WDFY3: variants seen among roughly 807,000 people sequenced by gnomAD.
The protein encoded by WDFY3 is WD repeat and FYVE domain containing 3, also known as WD repeat and FYVE domain-containing protein 3.
A neutral mutation model predicts 409.6 loss-of-function variants in WDFY3; 66 were observed. The ratio of observed to expected loss-of-function variants is 0.16; its 90% confidence interval spans 0.13 to 0.20. The LOEUF (loss-of-function observed/expected upper bound fraction) is 0.20, where lower values mean the gene tolerates loss of function less well. WDFY3 is among the 10% of genes least tolerant of loss of function. The probability of loss-of-function intolerance (pLI) is 1.00; values close to 1 mark genes in which losing one functional copy is unlikely to be tolerated. For synonymous variants in WDFY3, 1,521 were observed against 1,537.1 expected (o/e 0.99, Z 0.25); for missense variants, 3,031 against 4,298.1 (o/e 0.71, Z 8.24).
intron 5 of WDFY3, 184 bp downstream of exon 5, chr4:84,849,718 T>C: frequency 2.9e-6 from 2 of 696,868 alleles, no homozygotes; most frequent in South Asian, 4.2e-5. Flanking sequence ...TGAGCAGAAC[T>C]ACTGGAGAGT....
At chr4:84,817,898 A>C (rs1371206311) in intron 12 of WDFY3, among the ~76,000 whole-genome samples, 2 of 152,140 alleles carry the variant, frequency 1.3e-5, no homozygotes, top group Non-Finnish European at 2.9e-5. Context: ...CTCTATTGTA[A>C]TCAACTTATG....
At chr4:84,896,680 C>A (rs1365074474) in intron 3 of WDFY3, among the ~76,000 whole-genome samples, 1 of 152,124 alleles carries the variant, frequency 6.6e-6, no homozygotes, top group Non-Finnish European at 1.5e-5. Context: ...TATAGGTGTA[C>A]ATATAACATA....
At chr4:84,706,993 C>CAGTGG (rs1206318597) in intron 53 of WDFY3, among the ~76,000 whole-genome samples, 1 of 144,746 alleles carries the variant, frequency 6.9e-6, no homozygotes, top group Non-Finnish European at 1.5e-5. Flanking sequence ...GGCTGGAGTG[C>CAGTGG]AGTGGCACAC....
chr4:84,680,406 C>T (rs963820992), intron 64 of WDFY3, among the ~76,000 whole-genome samples: 12 of 152,232 alleles, frequency 7.9e-5, no homozygotes, highest in Admixed American at 1.3e-4. Context: ...CTGCCCGCCT[C>T]AGCCTTCTGA....
rs929916558 is a variant in WDFY3, at chr4:84,803,441, G to A, written c.2456C>T (p.Pro819Leu). The part of the protein sequence containing the change: ...KRHAYHSVST[P>L]PVYPPKNVAD... Reference sequence around the variant, plus strand: ...AACATTTTTAGGAGGGTAAACAGGGGGAGTTGAAACAGAATGATATGCATG... The same window carrying A: ...AACATTTTTAGGAGGGTAAACAGGGAGAGTTGAAACAGAATGATATGCATG... The change falls in exon 16 of 68, where the codon CCC (proline) becomes CTC (leucine). Residue 819 changes from proline to leucine, a missense_variant. By Grantham distance (98) the Pro-to-Leu change is moderately conservative (BLOSUM62 -3). Around this residue, in one of 16 missense-constraint regions of WDFY3, gnomAD observed 1,322 missense variants for 1,697.9 expected, o/e 0.78. Transcript: ENST00000295888. 2 of 1,613,230 alleles carry A rather than the reference G, an allele frequency of 1.2e-6. No homozygotes were observed. Among genetic ancestry groups the A allele is most frequent in the Admixed American group, 1.7e-5 (1 of 59,842 alleles).
chr4:84,754,697 A>G (rs1323677029), intron 34 of WDFY3, among the ~76,000 whole-genome samples: 2 of 152,214 alleles, frequency 1.3e-5, no homozygotes, highest in Non-Finnish European at 2.9e-5. Flanking sequence ...ACATAATTAG[A>G]GCAGAACAAA....
At chr4:84,678,786 T>G in intron 65 of WDFY3, 133 bp downstream of exon 65, 1 of 959,126 alleles carries the variant, frequency 1.0e-6, no homozygotes, top group Non-Finnish European at 1.5e-6. Flanking sequence ...TAAAGAGGCA[T>G]TCTGTGTGAG....
rs536106715 is a variant in WDFY3 at position 84,780,197 on chromosome 4, C to T, written c.4276G>A (p.Gly1426Arg). Reference protein sequence around the residue: ...GLVAMASDVEGLYAAVKALVC... With the variant: ...GLVAMASDVERLYAAVKALVC... ...AGGGCCTTGACTGCTGCATATAACC[C>T]TTCCACATCAGAGGCCATGGCCACC... The change falls in exon 26 of 68, where the codon GGG becomes AGG. Residue 1426 changes from glycine (G) to arginine (R), a missense_variant. Physicochemically the swap from Gly to Arg is moderately radical, Grantham distance 125. Around this residue, in one of 16 missense-constraint regions of WDFY3, gnomAD observed 55 missense variants for 124.1 expected, o/e 0.44. Coordinates refer to ENST00000295888, the MANE Select transcript of WDFY3 (RefSeq NM_014991.6). 1.9e-6 allele frequency: 3 copies of T among 1,613,922 alleles called. No individual in the cohort carries two copies. In the African/African-American group the frequency reaches 4.0e-5, roughly 22 times the overall value.
intron 24 of WDFY3, among the ~76,000 whole-genome samples, chr4:84,785,268 G>A (rs1747349169): frequency 6.6e-6 from 1 of 151,900 alleles, no homozygotes; most frequent in Non-Finnish European, 1.5e-5. Context: ...ATCCACATCT[G>A]TCTCCATGGC....
Position 84,740,323 on chromosome 4 carries a change from C to A in WDFY3, c.6328G>T (p.Val2110Phe), listed in dbSNP as rs775918953. The A allele has an allele frequency of 1.2e-6, 2 of 1,613,884 alleles. No individual in the cohort carries two copies. The highest frequency in any genetic ancestry group is 2.2e-5 in the East Asian group (1 of 44,870). The stretch of plus-strand genomic sequence containing the variant: ...TCAAGCAGAGCTACTTGCTGAGGAA[C>A]GGTTTTGTGTGCCCGTGAGAACTGG... The part of the protein sequence containing the change: ...LYQFSRAHKT[V>F]PQQVALLDSL... The change falls in exon 39 of 68, where the codon GTT becomes TTT. Residue 2110 changes from valine (V) to phenylalanine (F), a missense_variant. Physicochemically the swap from Val to Phe is conservative, Grantham distance 50 (BLOSUM62 -1). This residue lies in a region of WDFY3 where 314 missense variants were observed against 397.4 expected (regional missense o/e 0.79). Coordinates refer to ENST00000295888, the MANE Select transcript of WDFY3 (RefSeq NM_014991.6).
chr4:84,851,355 G>A (rs1758981735), intron 4 of WDFY3, among the ~76,000 whole-genome samples: 1 of 151,934 alleles, frequency 6.6e-6, no homozygotes, highest in African/African-American at 2.4e-5. Context: ...ACTACAAAAG[G>A]AGAAAACATA....
chr4:84,965,400 C>CCAGT (rs1775505887), intron 1 of WDFY3, among the ~76,000 whole-genome samples: 1 of 152,176 alleles, frequency 6.6e-6, no homozygotes, highest in South Asian at 2.1e-4. Context: ...TGCAAGGGTT[C>CCAGT]ACATATGCAG....
At chr4:84,963,724 G>A (rs762392166) in intron 1 of WDFY3, among the ~76,000 whole-genome samples, 7 of 152,116 alleles carry the variant, frequency 4.6e-5, no homozygotes, top group Admixed American at 1.3e-4. Context: ...TGGTATTACC[G>A]ATCAAAGTCT....
chr4:84,681,898 A>C (rs1727417160), intron 64 of WDFY3, among the ~76,000 whole-genome samples: 1 of 152,240 alleles, frequency 6.6e-6, no homozygotes, highest in Non-Finnish European at 1.5e-5. Context: ...CTTCAGTGTG[A>C]ATTAATGCCC....
chr4:84,817,488 C>T lies in WDFY3; in HGVS notation c.1791G>A (p.Val597=), dbSNP rs1578659661. 6.2e-7 allele frequency: 1 copy of T among 1,613,804 alleles called. No homozygotes were observed. Among genetic ancestry groups the T allele is most frequent in the Non-Finnish European group, 8.5e-7 (1 of 1,179,814 alleles). ...TGTCATCGTCCCCATTTGGGGAGAGCACCAGCTGTTGGATAGTCATCAAGG... is the reference window on the plus strand; with the variant it reads ...TGTCATCGTCCCCATTTGGGGAGAGTACCAGCTGTTGGATAGTCATCAAGG... ...QHALMTIQQL[V]LSPNGDDDMG... The change falls in exon 13 of 68, where the codon GTG becomes GTA. Residue 597 remains valine, a synonymous_variant. Transcript: ENST00000295888.
At chr4:84,777,011 C>T (rs550091442) in intron 27 of WDFY3, among the ~76,000 whole-genome samples, 5 of 152,034 alleles carry the variant, frequency 3.3e-5, no homozygotes, top group Admixed American at 2.6e-4. Flanking sequence ...AGGCAGACTA[C>T]GAAATGTGAA....
In WDFY3 at chr4:84,950,090, G is replaced by A. The variant is rs566984841; in HGVS notation, c.-226+16119C>T. On this transcript the variant is annotated intron_variant, in intron 1 of 67. Transcript: ENST00000295888. ...GCCATAAAAAAGAATGAGTTCATGT[G>A]CTTTGCAGGGACATGGATGAAGCTG... 3.7e-4 allele frequency among the ~76,000 whole-genome samples: 56 copies of A among 152,260 alleles called. No individual in the cohort carries two copies. In the East Asian group the frequency reaches 0.011, roughly 29 times the overall value.
At chr4:84,680,403 C>T (rs969484311) in intron 64 of WDFY3, among the ~76,000 whole-genome samples, 55 of 152,236 alleles carry the variant, frequency 3.6e-4, no homozygotes, top group Non-Finnish European at 2.2e-4. Context: ...AATCTGCCCG[C>T]CTCAGCCTTC....
At chr4:84,709,511 GAA>G (rs1410820327) in intron 51 of WDFY3, among the ~76,000 whole-genome samples, 164 bp from the exon 52 acceptor site, 2 of 152,220 alleles carry the variant, frequency 1.3e-5, no homozygotes. Flanking sequence ...TCAGCATTTT[GAA>G]ATATGAAGTA....
Sources: allele counts gnomAD v4.1 joint callset (sites outside exome capture counted in the v4.1 genomes callset), GRCh38; gene constraint gnomAD v4.1.1; regional missense constraint gnomAD v4.1.1; transcripts MANE v1.5; gene names NCBI Gene and HGNC (gene_info 2026-07-23, HGNC 2026-07-21).